IPPK: variants seen among roughly 807,000 people sequenced by gnomAD.
IPPK encodes the protein IPK1 homolog.
Under a neutral mutation model 64.6 loss-of-function variants are expected in IPPK, and 22 were observed. That is an observed-to-expected ratio of 0.34 (90% CI 0.24 to 0.49). The LOEUF (loss-of-function observed/expected upper bound fraction) is 0.49. Ranked by LOEUF, IPPK falls within the 20% of genes least tolerant of loss-of-function variation. The pLI, the probability that IPPK is intolerant of heterozygous loss-of-function variation, is 0.99. For missense variants in IPPK, 532 were observed against 630.7 expected (o/e 0.84, Z 1.68); for synonymous variants, 262 against 247.2 (o/e 1.06, Z -0.56).
rs567927876 is a variant in IPPK at position 92,614,442 on chromosome 9, T to C, written c.*1390A>G. 3 of 152,348 alleles carry C rather than the reference T, an allele frequency of 2.0e-5. No individual in the cohort carries two copies. The highest frequency in any genetic ancestry group is 6.5e-5 in the Admixed American group (1 of 15,286). 9.4% of individuals were successfully genotyped at this position (152,348 alleles called of 1,614,324 possible). On this transcript the variant is annotated 3_prime_UTR_variant, in exon 13 of 13. Coordinates refer to ENST00000287996, the MANE Select transcript of IPPK (RefSeq NM_022755.6). Reference sequence around the variant, plus strand: ...GACCCGTGTGTATGAGACGGTGTCATTGGAAGTGAGAAGAAAACAGTAAAA... The same window carrying C: ...GACCCGTGTGTATGAGACGGTGTCACTGGAAGTGAGAAGAAAACAGTAAAA...
intron 1 of IPPK, among the ~76,000 whole-genome samples, chr9:92,668,242 T>C (rs576140801): frequency 1.1e-3 from 161 of 152,314 alleles, no homozygotes; most frequent in African/African-American, 3.8e-3. Flanking sequence ...CACTCCAGCC[T>C]GGGCAACAGA....
At chr9:92,641,621 G>A (rs1852048425) in intron 7 of IPPK, among the ~76,000 whole-genome samples, 2 of 152,236 alleles carry the variant, frequency 1.3e-5, no homozygotes, top group African/African-American at 4.8e-5. Context: ...CGGTGTTGGT[G>A]CCACCTTCTG....
At chr9:92,652,711 G>T in intron 3 of IPPK, 72 bp from the exon 4 acceptor site, 1 of 711,828 alleles carries the variant, frequency 1.4e-6, no homozygotes, top group Non-Finnish European at 2.3e-6. Flanking sequence ...AGAACTGCAT[G>T]CCTAAAAACA....
intron 7 of IPPK, among the ~76,000 whole-genome samples, chr9:92,641,206 A>G (rs72756417): frequency 0.019 from 2,893 of 152,270 alleles, 45 homozygotes; most frequent in South Asian, 0.044. Flanking sequence ...ATGGGCCACG[A>G]AGGGAGTGCT....
chr9:92,625,845 T>A (rs941789566), intron 11 of IPPK, among the ~76,000 whole-genome samples: 1 of 152,134 alleles, frequency 6.6e-6, no homozygotes, highest in Non-Finnish European at 1.5e-5. Context: ...AGGATTCCTA[T>A]AGATTAAGAT....
At chr9:92,650,756 C>A (rs1852250931) in intron 4 of IPPK, among the ~76,000 whole-genome samples, 1 of 152,170 alleles carries the variant, frequency 6.6e-6, no homozygotes, top group African/African-American at 2.4e-5. Context: ...TTCCACAACA[C>A]CCTTAGCCCA....
Position 92,649,484 on chromosome 9 carries a change from T to C in IPPK, c.383A>G (p.Glu128Gly), listed in dbSNP as rs1411561437. ...LTRLQTYRFA[E>G]HRPILCVEIK... ...CTCTACACACAGAATCGGCCGGTGC[T>C]CTGCAAAGCGGTAGGTTTGGAGTCT... Residue 128 changes from glutamate to glycine, a missense_variant, in exon 5 of 13, where the codon GAG becomes GGG. Transcript: ENST00000287996. The C allele has an allele frequency of 6.2e-7, 1 of 1,614,078 alleles. No individual in the cohort carries two copies.
At chr9:92,620,596 C>G (rs1402208387) in intron 11 of IPPK, 1 of 152,244 alleles carries the variant, frequency 6.6e-6, no homozygotes, top group African/African-American at 2.4e-5. Flanking sequence ...TCTCCTGTCT[C>G]CCTTTTAACC....
Position 92,615,810 on chromosome 9 carries a change from C to T in IPPK, c.*22G>A, listed in dbSNP as rs1478330525. The T allele has an allele frequency of 6.4e-7, 1 of 1,554,294 alleles. No individual in the cohort carries two copies. The highest frequency in any genetic ancestry group is 1.4e-5 in the African/African-American group (1 of 73,702). On this transcript the variant is annotated 3_prime_UTR_variant, in exon 13 of 13. Transcript: ENST00000287996. ...CAGCCTTCACATTATGTTCAAGTTT[C>T]AAAGACACTGCAGGGAAAGAGTTAG...
intron 11 of IPPK, among the ~76,000 whole-genome samples, chr9:92,630,181 TGG>T (rs1173577435): frequency 6.6e-6 from 1 of 151,920 alleles, no homozygotes. Context: ...GTCCACCCCA[TGG>T]ACTATTACTG....
chr9:92,640,771 C>T lies in IPPK; in HGVS notation c.575G>A (p.Arg192Lys). 6.2e-7 allele frequency: 1 copy of T among 1,611,658 alleles called. No homozygotes were observed. The highest frequency in any genetic ancestry group is 1.1e-5 in the South Asian group (1 of 91,016). ...CAAACTCTTCAAGGCAAAGTGCATTCTCTGTTTGTTTCTAAAAGGGAAAAG... is the reference window on the plus strand; with the variant it reads ...CAAACTCTTCAAGGCAAAGTGCATTTTCTGTTTGTTTCTAAAAGGGAAAAG... The part of the protein sequence containing the change: ...PLDLYSGNKQ[R>K]MHFALKSLLQ... Residue 192 changes from arginine (R) to lysine (K), a missense_variant, in exon 8 of 13, where the codon AGA becomes AAA. Physicochemically the swap from Arg to Lys is conservative, Grantham distance 26. Coordinates refer to ENST00000287996, the MANE Select transcript of IPPK (RefSeq NM_022755.6).
At chr9:92,647,944 C>A in intron 6 of IPPK, 115 bp downstream of exon 6, 2 of 654,688 alleles carry the variant, frequency 3.1e-6, no homozygotes, top group East Asian at 2.8e-5. Context: ...AATAAAATGT[C>A]AACTAAAAAT....
At chr9:92,664,260 G>A (rs1036809212) in intron 1 of IPPK, among the ~76,000 whole-genome samples, 5 of 152,236 alleles carry the variant, frequency 3.3e-5, no homozygotes, top group Admixed American at 6.5e-5. Flanking sequence ...GGTGAGCTTC[G>A]CTTCACTGGG....
At chr9:92,649,375 A>T (rs1852211379) in intron 5 of IPPK, 78 bp downstream of exon 5, 1 of 1,556,810 alleles carries the variant, frequency 6.4e-7, no homozygotes. Flanking sequence ...CTGGAACCCA[A>T]GGCACGTGAC....
At chr9:92,642,895 G>A (rs1587632909) in intron 6 of IPPK, 85 bp from the exon 7 acceptor site, 8 of 1,090,984 alleles carry the variant, frequency 7.3e-6, no homozygotes, top group Non-Finnish European at 1.1e-5. Flanking sequence ...CAGCATCAGT[G>A]ATGAAGACAA....
At chr9:92,637,556 T>A (rs562627508) in intron 9 of IPPK, among the ~76,000 whole-genome samples, 1 of 152,066 alleles carries the variant, frequency 6.6e-6, no homozygotes, top group South Asian at 2.1e-4. Context: ...CATGGGTCTG[T>A]GTCTTCACCC....
At chr9:92,623,426 TC>T (rs1392337891) in intron 11 of IPPK, among the ~76,000 whole-genome samples, 1 of 140,344 alleles carries the variant, frequency 7.1e-6, no homozygotes, top group Non-Finnish European at 1.5e-5. Context: ...AGAGCGAGAC[TC>T]CGTCTCAAAA....
chr9:92,658,334 C>T (rs144283535), intron 2 of IPPK, among the ~76,000 whole-genome samples: 100 of 152,300 alleles, frequency 6.6e-4, no homozygotes, highest in Non-Finnish European at 1.1e-3. Flanking sequence ...AACTCGGCAA[C>T]GCAAAGCTTG....
rs372871274 is a variant in IPPK at position 92,656,448 on chromosome 9, G to A, written c.225+8C>T. ...CCAAGAATTCAGATGTGAATAAAAAGCACTTACCCCATAATGAACATAGTT... is the reference window on the plus strand; with the variant it reads ...CCAAGAATTCAGATGTGAATAAAAAACACTTACCCCATAATGAACATAGTT... On this transcript the variant is annotated splice_region_variant and intron_variant, in intron 3 of 12. Transcript: ENST00000287996. 1.3e-6 allele frequency: 2 copies of A among 1,578,596 alleles called. No homozygotes were observed. Among genetic ancestry groups the A allele is most frequent in the African/African-American group, 1.3e-5 (1 of 74,236 alleles).
Sources: gnomAD v4.1 joint callset for allele counts (sites outside exome capture counted in the v4.1 genomes callset) on GRCh38, gnomAD v4.1.1 for gene constraint, MANE v1.5 for transcripts, NCBI Gene and HGNC (gene_info 2026-07-23, HGNC 2026-07-21) for gene names.